Variants in NF2 observed in about 807,000 individuals in gnomAD.
NF2 encodes the protein merlin.
A neutral mutation model predicts 83.7 loss-of-function variants in NF2; 8 were observed. That is an observed-to-expected ratio of 0.10 (90% CI 0.06 to 0.17). The LOEUF is 0.17. Among genes scored for constraint, NF2 ranks in the 10% least tolerant of loss-of-function variants. The pLI, the probability that NF2 is intolerant of heterozygous loss-of-function variation, is 1.00. For missense variants in NF2, 533 were observed against 744.4 expected, an observed-to-expected ratio of 0.72 and a Z score of 3.31; for synonymous variants, 266 against 269.6, an observed-to-expected ratio of 0.99 and a Z score of 0.13.
intron 10 of NF2, 42 bp from the exon 11 acceptor site, chr22:29,671,784 G>A (rs995411789): frequency 3.7e-6 from 6 of 1,612,378 alleles, no homozygotes; most frequent in East Asian, 4.5e-5. Context: ...CCTAGGTCTC[G>A]AGCCCTGTGA....
chr22:29,649,309 G>A (rs1047795587), intron 4 of NF2, among the ~76,000 whole-genome samples: 6 of 152,156 alleles, frequency 3.9e-5, no homozygotes, highest in Non-Finnish European at 8.8e-5. Context: ...GGCCAGGCAC[G>A]GTGGCTCACA....
intron 15 of NF2, chr22:29,684,011 C>A: frequency 1.3e-6 from 1 of 780,744 alleles, no homozygotes; most frequent in Non-Finnish European, 1.6e-6. Flanking sequence ...CCTGCAGTTT[C>A]TGCTCATAGA....
Position 29,678,285 on chromosome 22 carries a change from T to C in NF2, c.1536T>C (p.Thr512=). 1 of 1,614,088 alleles carries C rather than the reference T, an allele frequency of 6.2e-7. No individual in the cohort carries two copies. Among genetic ancestry groups the C allele is most frequent in the Non-Finnish European group, 8.5e-7 (1 of 1,179,966 alleles). ...GDSLSFDFKD[T]DMKRLSMEIE... is the part of the protein sequence containing the mutation. ...GCCTGTCTTTCGACTTCAAAGATACTGACATGAAGCGGCTTTCCATGGAGA... is the reference window on the plus strand; with the variant it reads ...GCCTGTCTTTCGACTTCAAAGATACCGACATGAAGCGGCTTTCCATGGAGA... The change falls in exon 14 of 16, where the codon ACT becomes ACC. Residue 512 remains threonine (T), a synonymous_variant. Coordinates refer to ENST00000338641, the MANE Select transcript of NF2 (RefSeq NM_000268.4).
intron 13 of NF2, among the ~76,000 whole-genome samples, chr22:29,677,220 T>TAAAC (rs1200453062): frequency 1.3e-5 from 2 of 152,130 alleles, no homozygotes; most frequent in Non-Finnish European, 2.9e-5. Context: ...TAGAGAACCG[T>TAAAC]AAACACAGCG....
In NF2 at chr22:29,695,390, G is replaced by T; in HGVS notation, c.*588G>T. 3.8e-6 allele frequency: 1 copy of T among 261,382 alleles called. No individual in the cohort carries two copies. The highest frequency in any genetic ancestry group is 5.2e-5 in the East Asian group (1 of 19,052). The allele number at this position is 261,382 out of a possible 1,614,324, so 16.2% of individuals were successfully genotyped here. A position where few individuals can be genotyped will look rare whatever the true frequency, so the allele number is the denominator to read the frequency against. On this transcript the variant is annotated 3_prime_UTR_variant, in exon 16 of 16. Coordinates refer to ENST00000338641, the MANE Select transcript of NF2 (RefSeq NM_000268.4). The surrounding 1 kb of genome is among the most constrained non-coding windows in gnomAD (Gnocchi z 5.4). ...CCAGGCACCCCGAGGCGGCGCTCTG[G>T]CTGGCAGCTGGTGGGGAATAGGCAG...
chr22:29,609,045 C>G (rs1473862309), intron 1 of NF2: 1 of 724,684 alleles, frequency 1.4e-6, no homozygotes, highest in East Asian at 2.5e-5. Flanking sequence ...GTGTCCAAGC[C>G]AGAACAGTGG....
rs1569322913 is a variant in NF2, at chr22:29,697,756, GGGTTTCTCCATGTC to G, written c.*2958_*2971del. 5.6e-6 allele frequency: 1 copy of G among 177,216 alleles called. No individual in the cohort carries two copies. The highest frequency in any genetic ancestry group is 1.2e-5 in the Non-Finnish European group (1 of 82,462). 11.0% of individuals were successfully genotyped at this position (177,216 alleles called of 1,614,324 possible). ...TAATTTTGTATTTTTAGTGGAGACG[GGGTTTCTCCATGTC>G]GGTCAGGCTGGTCTCGAACTCCCGA... On this transcript the variant is annotated 3_prime_UTR_variant, in exon 16 of 16. Transcript: ENST00000338641.
At chr22:29,660,191 G>A (rs140401955) in intron 7 of NF2, among the ~76,000 whole-genome samples, 198 of 152,252 alleles carry the variant, frequency 1.3e-3, no homozygotes, top group Admixed American at 6.3e-3. Flanking sequence ...TCAGTCCGTC[G>A]CAGGTTCAGT....
At chr22:29,642,076 C>T in intron 3 of NF2, 126 bp from the exon 4 acceptor site, 1 of 781,678 alleles carries the variant, frequency 1.3e-6, no homozygotes. Context: ...TACCCTTTGT[C>T]AGAAAATTAT....
At chr22:29,624,801 CTTTCTTTCTTTCTT>C (rs1211326422) in intron 1 of NF2, among the ~76,000 whole-genome samples, 384 of 10,604 alleles carry the variant, frequency 0.036, 4 homozygotes, top group African/African-American at 0.096. Context: ...GAAGGGTCCT[CTTTCTTTCTTTCTT>C]TCTTTCTTTC....
chr22:29,689,109 G>A (rs2067338023), intron 15 of NF2, among the ~76,000 whole-genome samples: 3 of 150,050 alleles, frequency 2.0e-5, no homozygotes, highest in Admixed American at 1.3e-4. Flanking sequence ...AACCCAGGAG[G>A]CAGAGGCTGC....
At chr22:29,615,898 A>G (rs1387465180) in intron 1 of NF2, among the ~76,000 whole-genome samples, 4 of 152,212 alleles carry the variant, frequency 2.6e-5, no homozygotes, top group African/African-American at 9.6e-5. Flanking sequence ...TATTATTCAT[A>G]ATAGCCAGAA....
chr22:29,654,395 C>G (rs2146964865), intron 4 of NF2, among the ~76,000 whole-genome samples: 1 of 152,308 alleles, frequency 6.6e-6, no homozygotes, highest in Middle Eastern at 3.4e-3. Context: ...AGAAAACATG[C>G]CCACATTTCC....
At chr22:29,683,195 C>CT in intron 15 of NF2, 1 of 1,606,822 alleles carries the variant, frequency 6.2e-7, no homozygotes, top group East Asian at 2.2e-5. Context: ...TGCCTGGGTA[C>CT]TGGCCGCAGC....
chr22:29,695,099 G>T lies in NF2; in HGVS notation c.*297G>T. The stretch of plus-strand genomic sequence containing the variant: ...CCTGACTCCCTTCGTCCAAGGCACC[G>T]GTGTGTGTGTGTCTTGCACTCCAGA... On this transcript the variant is annotated 3_prime_UTR_variant, in exon 16 of 16. Coordinates refer to ENST00000338641, the MANE Select transcript of NF2 (RefSeq NM_000268.4). The surrounding 1 kb of genome is among the most constrained non-coding windows in gnomAD (Gnocchi z 5.4). The T allele has an allele frequency of 1.9e-6, 1 of 527,132 alleles. No homozygotes were observed. Among genetic ancestry groups the T allele is most frequent in the Non-Finnish European group, 3.4e-6 (1 of 290,712 alleles). 32.7% of individuals were successfully genotyped at this position (527,132 alleles called of 1,614,324 possible). A position where few individuals can be genotyped will look rare whatever the true frequency, so the allele number is the denominator to read the frequency against.
chr22:29,612,315 T>C (rs1354086889), intron 1 of NF2, among the ~76,000 whole-genome samples: 2 of 152,004 alleles, frequency 1.3e-5, no homozygotes, highest in African/African-American at 4.8e-5. Flanking sequence ...GCCTGGCCTT[T>C]TAAAATATTT....
chr22:29,658,062 G>A (rs767952610), intron 6 of NF2, 127 bp from the exon 7 acceptor site: 1 of 795,004 alleles, frequency 1.3e-6, no homozygotes, highest in Non-Finnish European at 2.2e-6. Context: ...GTCTGCTGTG[G>A]CTTTTGTCTT....
chr22:29,675,535 C>A (rs539207756), intron 13 of NF2, among the ~76,000 whole-genome samples: 1 of 151,554 alleles, frequency 6.6e-6, no homozygotes, highest in East Asian at 1.9e-4. Flanking sequence ...TTGGAAGTCT[C>A]TATCCTGACA....
intron 15 of NF2, among the ~76,000 whole-genome samples, chr22:29,686,372 G>A (rs1385512271): frequency 1.3e-5 from 2 of 152,256 alleles, no homozygotes; most frequent in Non-Finnish European, 2.9e-5. Flanking sequence ...GGGCACAGTG[G>A]CTCATGCCTA....
Sources: gnomAD v4.1 joint callset for allele counts (sites outside exome capture counted in the v4.1 genomes callset) on GRCh38, gnomAD v4.1.1 for gene constraint, Gnocchi (gnomAD v3.1) non-coding constraint, MANE v1.5 for transcripts, NCBI Gene and HGNC (gene_info 2026-07-23, HGNC 2026-07-21) for gene names.